ATP9A: variants seen among roughly 807,000 people sequenced by gnomAD.
The protein encoded by ATP9A is probable phospholipid-transporting ATPase IIA.
A neutral mutation model predicts 144.1 loss-of-function variants in ATP9A; 52 were observed. The ratio of observed to expected loss-of-function variants is 0.36; its 90% CI spans 0.29 to 0.45. ATP9A has a LOEUF of 0.45. Ranked by LOEUF, ATP9A falls within the 20% of genes least tolerant of loss-of-function variation. The probability of loss-of-function intolerance (pLI) is 1.00; values close to 1 mark genes in which losing one functional copy is unlikely to be tolerated. For synonymous variants in ATP9A, 582 were observed against 557.4 expected (o/e 1.04, Z -0.62); for missense variants, 947 against 1,392.7 (o/e 0.68, Z 5.09).
intron 24 of ATP9A, among the ~76,000 whole-genome samples, chr20:51,609,857 G>A (rs765228255): frequency 3.9e-5 from 6 of 152,130 alleles, no homozygotes; most frequent in Non-Finnish European, 8.8e-5. Context: ...AGGTACAAAT[G>A]GCAAAGTGCA....
At chr20:51,712,191 G>T (rs1186528882) in intron 4 of ATP9A, among the ~76,000 whole-genome samples, 1 of 151,508 alleles carries the variant, frequency 6.6e-6, no homozygotes, top group Non-Finnish European at 1.5e-5. Context: ...TCCTGCCTCA[G>T]CCTCCCAAGT....
At chr20:51,677,887 G>A (rs2077483853) in intron 9 of ATP9A, among the ~76,000 whole-genome samples, 1 of 152,048 alleles carries the variant, frequency 6.6e-6, no homozygotes, top group Non-Finnish European at 1.5e-5. Flanking sequence ...AATTAGATTG[G>A]CAAAAATCCT....
At position 51,757,555 on chromosome 20, in the gene ATP9A, ACAGGGCCTCTTC is replaced by A. The variant is rs367600802; in HGVS notation, c.68+10735_68+10746del. ...TCACCAGAAGCCTTTCCCTGCTCGC[ACAGGGCCTCTTC>A]CAACTGTCTTCCCCCAGAGTTTCTG... On this transcript the variant is annotated intron_variant, in intron 1 of 27. Transcript: ENST00000338821. Among the ~76,000 whole-genome samples, 212 of 152,268 alleles carry A rather than the reference ACAGGGCCTCTTC, an allele frequency of 1.4e-3. 1 individual carries two copies. The highest frequency in any genetic ancestry group is 5.0e-3 in the African/African-American group (207 of 41,564).
chr20:51,763,549 C>A (rs6096568), intron 1 of ATP9A, among the ~76,000 whole-genome samples: 13 of 151,734 alleles, frequency 8.6e-5, no homozygotes, highest in Middle Eastern at 6.8e-3. Context: ...TCCTGACCTC[C>A]TGATCCGCCC....
chr20:51,760,184 G>A lies in ATP9A; in HGVS notation c.68+8118C>T, dbSNP rs149123053. Among the ~76,000 whole-genome samples, 25 of 152,268 alleles carry A rather than the reference G, an allele frequency of 1.6e-4. No homozygotes were observed. In the East Asian group the frequency reaches 4.2e-3, roughly 26 times the overall value. ...GATGTGCCACGTGGAAAAAATACAC[G>A]TGTCAGATAAGCTGCCTCCAGGCGT... On this transcript the variant is annotated intron_variant, in intron 1 of 27. Coordinates refer to ENST00000338821, the MANE Select transcript of ATP9A (RefSeq NM_006045.3).
intron 11 of ATP9A, among the ~76,000 whole-genome samples, chr20:51,673,775 C>T (rs150951373): frequency 2.6e-5 from 4 of 152,190 alleles, no homozygotes; most frequent in Admixed American, 2.0e-4. Flanking sequence ...AGCCGATGGG[C>T]GCGGTGGCTC....
chr20:51,670,527 C>A (rs1462930060), intron 12 of ATP9A, among the ~76,000 whole-genome samples: 1 of 152,220 alleles, frequency 6.6e-6, no homozygotes, highest in Non-Finnish European at 1.5e-5. Flanking sequence ...GCTGACTTAA[C>A]CAGAACTTTC....
At chr20:51,707,369 CT>C (rs1224334014) in intron 4 of ATP9A, among the ~76,000 whole-genome samples, 3 of 152,140 alleles carry the variant, frequency 2.0e-5, no homozygotes, top group African/African-American at 4.8e-5. Context: ...CCCATCACCC[CT>C]GGCTCATACC....
At chr20:51,718,109 G>A (rs150491487) in intron 3 of ATP9A, among the ~76,000 whole-genome samples, 10 of 152,262 alleles carry the variant, frequency 6.6e-5, no homozygotes, top group African/African-American at 7.2e-5. Flanking sequence ...AAGGGGAGGC[G>A]GCAGAGACCA....
rs1433604560 is a variant in ATP9A at position 51,712,956 on chromosome 20, G to A, written c.436+10C>T. 6.2e-7 allele frequency: 1 copy of A among 1,602,318 alleles called. No homozygotes were observed. Among genetic ancestry groups the A allele is most frequent in the Non-Finnish European group, 8.5e-7 (1 of 1,174,114 alleles). ...CTGCAACCCTGTGGCCCAGGAGCCA[G>A]AAGGCTGACCTCGTGCTGTGAGCCG... On this transcript the variant is annotated intron_variant, in intron 4 of 27. Coordinates refer to ENST00000338821, the MANE Select transcript of ATP9A (RefSeq NM_006045.3).
intron 3 of ATP9A, among the ~76,000 whole-genome samples, chr20:51,713,544 G>A (rs1212831449): frequency 6.6e-6 from 1 of 152,204 alleles, no homozygotes; most frequent in African/African-American, 2.4e-5. Flanking sequence ...CAGAGAGGCT[G>A]AGTAATCTTG....
chr20:51,659,743 C>G (rs1021516579), intron 13 of ATP9A, among the ~76,000 whole-genome samples: 3 of 152,294 alleles, frequency 2.0e-5, no homozygotes, highest in African/African-American at 4.8e-5. Context: ...TTACAAGAAA[C>G]AAGAAAATGA....
At position 51,598,908 on chromosome 20, in the gene ATP9A, G is replaced by A. The variant is rs1197138432; in HGVS notation, c.*2303C>T. 6.6e-6 allele frequency: 1 copy of A among 152,268 alleles called. No individual in the cohort carries two copies. Among genetic ancestry groups the A allele is most frequent in the African/African-American group, 2.4e-5 (1 of 41,464 alleles). 9.4% of individuals were successfully genotyped at this position (152,268 alleles called of 1,614,324 possible). A position where few individuals can be genotyped will look rare whatever the true frequency, so the allele number is the denominator to read the frequency against. ...ACCGCCTCCGCCCCAGTGCGGCTGA[G>A]ACAACAGAGTAAAAAGGTTTGTGGA... On this transcript the variant is annotated 3_prime_UTR_variant, in exon 28 of 28. Coordinates refer to ENST00000338821, the MANE Select transcript of ATP9A (RefSeq NM_006045.3).
intron 1 of ATP9A, among the ~76,000 whole-genome samples, chr20:51,745,265 TAAA>T (rs56011562): frequency 3.8e-5 from 4 of 106,508 alleles, no homozygotes; most frequent in Admixed American, 2.1e-4. Flanking sequence ...AGACTCCGTC[TAAA>T]AAAAAAAAAA....
intron 13 of ATP9A, among the ~76,000 whole-genome samples, chr20:51,667,003 T>C (rs1312661936): frequency 6.6e-6 from 1 of 152,180 alleles, no homozygotes; most frequent in South Asian, 2.1e-4. Context: ...ACACTCTCAC[T>C]TGGGTAGATC....
intron 9 of ATP9A, among the ~76,000 whole-genome samples, chr20:51,676,602 C>T (rs576311946): frequency 2.5e-4 from 38 of 152,172 alleles, no homozygotes; most frequent in Non-Finnish European, 4.7e-4. Context: ...CCTCAGCCTC[C>T]GGAGTAGCTT....
intron 1 of ATP9A, among the ~76,000 whole-genome samples, chr20:51,753,145 T>C (rs6096561): frequency 0.2 from 30,894 of 151,888 alleles, 3,508 homozygotes; most frequent in Non-Finnish European, 0.25. Context: ...AAGAAAACAT[T>C]ACTTGTAAAG....
chr20:51,716,628 C>T (rs1412381382), intron 3 of ATP9A, among the ~76,000 whole-genome samples: 2 of 152,046 alleles, frequency 1.3e-5, no homozygotes, highest in African/African-American at 2.4e-5. Flanking sequence ...TACACTCCAG[C>T]CTGGGCGACA....
In ATP9A at chr20:51,670,814, T is replaced by C. The variant is rs137949212; in HGVS notation, c.1180+301A>G. Among the ~76,000 whole-genome samples the C allele has an allele frequency of 6.3e-3, 960 of 152,292 alleles. 17 individuals carry two copies. The highest frequency in any genetic ancestry group is 0.033 in the Admixed American group (501 of 15,290). On this transcript the variant is annotated intron_variant, in intron 12 of 27. Coordinates refer to ENST00000338821, the MANE Select transcript of ATP9A (RefSeq NM_006045.3). ...CTACTATGCGCCCGTGACAAGTCACTTACCCTCTCTGGGCCACATTTCCTC... is the reference window on the plus strand; with the variant it reads ...CTACTATGCGCCCGTGACAAGTCACCTACCCTCTCTGGGCCACATTTCCTC...
Sources: gnomAD v4.1 joint callset for allele counts (sites outside exome capture counted in the v4.1 genomes callset) on GRCh38, gnomAD v4.1.1 for gene constraint, MANE v1.5 for transcripts, NCBI Gene and HGNC (gene_info 2026-07-23, HGNC 2026-07-21) for gene names.